Variants in ATP2A3 observed in about 807,000 individuals in gnomAD.
The protein encoded by ATP2A3 is ATPase sarcoplasmic/endoplasmic reticulum Ca2+ transporting 3, also known as sarcoplasmic/endoplasmic reticulum calcium ATPase 3.
Under a neutral mutation model 106.8 loss-of-function variants are expected in ATP2A3, and 61 were observed. The observed-to-expected ratio is 0.57, with a 90% CI of 0.46 to 0.71. The LOEUF (loss-of-function observed/expected upper bound fraction) is 0.71. Among genes scored for constraint, ATP2A3 ranks in the 30% least tolerant of loss-of-function variants. The pLI, the probability that ATP2A3 is intolerant of heterozygous loss-of-function variation, is 0.00. For synonymous variants in ATP2A3, 611 were observed against 609.3 expected, an observed-to-expected ratio of 1.00 and a Z score of -0.04; for missense variants, 1,201 against 1,423.5, an observed-to-expected ratio of 0.84 and a Z score of 2.52.
intron 20 of ATP2A3, chr17:3,927,916 C>T: frequency 1.9e-6 from 3 of 1,606,692 alleles, no homozygotes; most frequent in Non-Finnish European, 1.7e-6. Flanking sequence ...CAACCTAGGC[C>T]CCTGCACAGC....
intron 3 of ATP2A3, 37 bp from the exon 4 acceptor site, chr17:3,951,722 C>A (rs749975197): frequency 2.6e-6 from 4 of 1,565,744 alleles, no homozygotes; most frequent in Non-Finnish European, 2.6e-6. Flanking sequence ...GGCCCTGCTG[C>A]GGGCCGAGAT....
Position 3,951,286 on chromosome 17 carries a change from C to G in ATP2A3, c.428G>C (p.Arg143Pro), listed in dbSNP as rs375801218. ...DRKGVQRIRA[R>P]DIVPGDIVEV... ...TACAATGTCCCCTGGGACGATGTCC[C>G]GGGCACGGATCCTCTGCACGCCCTT... Residue 143 changes from arginine (R) to proline (P), a missense_variant, in exon 5 of 21, where the codon CGG (arginine) becomes CCG (proline). Arg to Pro is a moderately radical substitution (Grantham distance 103). Transcript: ENST00000397041. 22 of 1,613,704 alleles carry G rather than the reference C, an allele frequency of 1.4e-5. No individual in the cohort carries two copies. Among genetic ancestry groups the G allele is most frequent in the Non-Finnish European group, 1.8e-5 (21 of 1,180,008 alleles).
intron 1 of ATP2A3, 97 bp downstream of exon 1, chr17:3,964,077 C>CGGG: frequency 1.5e-6 from 1 of 673,934 alleles, no homozygotes; most frequent in East Asian, 8.3e-5. Context: ...CCCTCGCTTC[C>CGGG]TGCCCGCCCA....
rs759473302 is a variant in ATP2A3 at position 3,928,190 on chromosome 17, A to G, written c.2980+473T>C. On this transcript the variant is annotated intron_variant, in intron 20 of 20. Coordinates refer to ENST00000397041, the MANE Select transcript of ATP2A3 (RefSeq NM_005173.4). This position sits in a 1 kb window ranked among gnomAD's most constrained non-coding sequence, Gnocchi z 6.1. ...GGCAGACCCAGAGCTGTGAGCTCAG[A>G]AACAACCCTCCCCTTGACCCACCCA... 5 of 1,609,976 alleles carry G rather than the reference A, an allele frequency of 3.1e-6. No homozygotes were observed. The highest frequency in any genetic ancestry group is 4.2e-6 in the Non-Finnish European group (5 of 1,176,624).
Position 3,928,632 on chromosome 17 carries a change from G to T in ATP2A3, c.2980+31C>A. The T allele has an allele frequency of 6.6e-7, 1 of 1,525,460 alleles. No homozygotes were observed. Among genetic ancestry groups the T allele is most frequent in the Non-Finnish European group, 8.9e-7 (1 of 1,124,562 alleles). The allele number at this position is 1,525,460 out of a possible 1,614,324, so 94.5% of individuals were successfully genotyped here. A position where few individuals can be genotyped will look rare whatever the true frequency, so the allele number is the denominator to read the frequency against. On this transcript the variant is annotated intron_variant, in intron 20 of 20. Coordinates refer to ENST00000397041, the MANE Select transcript of ATP2A3 (RefSeq NM_005173.4). The surrounding 1 kb of genome is among the most constrained non-coding windows in gnomAD (Gnocchi z 6.1). Reference sequence around the variant, plus strand: ...AGGAGCAGAGGCGGGCGGGGAGGCAGGCTGGAGGCGGGACGGGGCCTCCCA... The same window carrying T: ...AGGAGCAGAGGCGGGCGGGGAGGCATGCTGGAGGCGGGACGGGGCCTCCCA...
Position 3,953,753 on chromosome 17 carries a change from G to T in ATP2A3, c.119-43C>A. The T allele has an allele frequency of 6.4e-7, 1 of 1,564,520 alleles. No individual in the cohort carries two copies. Among genetic ancestry groups the T allele is most frequent in the Non-Finnish European group, 8.7e-7 (1 of 1,154,048 alleles). On this transcript the variant is annotated intron_variant, in intron 1 of 20. Coordinates refer to ENST00000397041, the MANE Select transcript of ATP2A3 (RefSeq NM_005173.4). This position sits in a 1 kb window ranked among gnomAD's most constrained non-coding sequence, Gnocchi z 5.1. ...CCACGGGAGCCATGAGGAGACAAGA[G>T]AGGAGTGGGTCACGCAGGGGCCTCG...
chr17:3,950,895 T>A, intron 5 of ATP2A3, 122 bp from the exon 6 acceptor site: 2 of 970,656 alleles, frequency 2.1e-6, no homozygotes, highest in Non-Finnish European at 3.2e-6. Flanking sequence ...GTGATCGCTC[T>A]GGTGACCCCT....
At chr17:3,951,553 G>GTGCCCCCC in intron 4 of ATP2A3, 28 bp downstream of exon 4, 1 of 647,376 alleles carries the variant, frequency 1.5e-6, no homozygotes, top group Non-Finnish European at 2.1e-6. Flanking sequence ...ACCGCCCCCC[G>GTGCCCCCC]CCCGGTCCCA....
rs2054729319 is a variant in ATP2A3 at position 3,955,631 on chromosome 17, T to C, written c.119-1921A>G. ...TGTGCTTTCGAGGTCACCCCAGCCA[T>C]GCCCCAGCCTCGAATCAGGACAGCA... On this transcript the variant is annotated intron_variant, in intron 1 of 20. Transcript: ENST00000397041. The surrounding 1 kb of genome is among the most constrained non-coding windows in gnomAD (Gnocchi z 4.2). Among the ~76,000 whole-genome samples the C allele has an allele frequency of 6.6e-6, 1 of 152,198 alleles. No individual in the cohort carries two copies. Among genetic ancestry groups the C allele is most frequent in the African/African-American group, 2.4e-5 (1 of 41,446 alleles).
chr17:3,946,747 G>A (rs980656342), intron 8 of ATP2A3, among the ~76,000 whole-genome samples: 2 of 152,170 alleles, frequency 1.3e-5, no homozygotes, highest in Non-Finnish European at 2.9e-5. Flanking sequence ...GTGGAAGCAG[G>A]GGTGACAGAG....
chr17:3,927,524 A>C (rs1349491909), intron 20 of ATP2A3: 2 of 985,278 alleles, frequency 2.0e-6, no homozygotes, highest in African/African-American at 3.5e-5. Flanking sequence ...TTCCTGGCGG[A>C]CCGGCCCGGT....
chr17:3,945,040 TCCCCTGG>T lies in ATP2A3; in HGVS notation c.1184+13_1184+19del. On this transcript the variant is annotated intron_variant, in intron 9 of 20. Transcript: ENST00000397041. ...CGCCCCCAGGCCGCCCGCCCGCGCG[TCCCCTGG>T]CCCCGCACTCACACTTCGCCCTCGG... 6.7e-7 allele frequency: 1 copy of T among 1,503,022 alleles called. No homozygotes were observed. The highest frequency in any genetic ancestry group is 1.5e-5 in the African/African-American group (1 of 68,740). The allele number at this position is 1,503,022 out of a possible 1,614,324, so 93.1% of individuals were successfully genotyped here. A position where few individuals can be genotyped will look rare whatever the true frequency, so the allele number is the denominator to read the frequency against.
chr17:3,940,958 G>T lies in ATP2A3; in HGVS notation c.2100+13C>A, dbSNP rs780427574. 1 of 1,613,668 alleles carries T rather than the reference G, an allele frequency of 6.2e-7. No homozygotes were observed. Among genetic ancestry groups the T allele is most frequent in the African/African-American group, 1.3e-5 (1 of 74,920 alleles). On this transcript the variant is annotated intron_variant, in intron 14 of 20. Coordinates refer to ENST00000397041, the MANE Select transcript of ATP2A3 (RefSeq NM_005173.4). ...TCATCACCCCCTCCTGGGGCTCCAG[G>T]CTGTGGCCTCACCATAGCAGTGATC...
Position 3,929,269 on chromosome 17 carries a change from C to T in ATP2A3, c.2862+59G>A. The T allele has an allele frequency of 6.9e-7, 1 of 1,449,232 alleles. No individual in the cohort carries two copies. Among genetic ancestry groups the T allele is most frequent in the African/African-American group, 1.4e-5 (1 of 70,946 alleles). 89.8% of individuals were successfully genotyped at this position (1,449,232 alleles called of 1,614,324 possible). A position where few individuals can be genotyped will look rare whatever the true frequency, so the allele number is the denominator to read the frequency against. ...CAGGGGGGCCAGAGAGGTCCAGTGA[C>T]CAGCCCAGGGCCTGTGATGTCCAGG... On this transcript the variant is annotated intron_variant, in intron 19 of 20. Transcript: ENST00000397041. The surrounding 1 kb of genome is among the most constrained non-coding windows in gnomAD (Gnocchi z 4.3).
intron 8 of ATP2A3, among the ~76,000 whole-genome samples, chr17:3,946,374 A>G (rs2054119286): frequency 6.6e-6 from 1 of 152,106 alleles, no homozygotes; most frequent in South Asian, 2.1e-4. Context: ...CAACATGGTG[A>G]AACCCCGTCT....
intron 1 of ATP2A3, among the ~76,000 whole-genome samples, chr17:3,959,564 T>TCC (rs1291554675): frequency 1.3e-5 from 2 of 152,192 alleles, no homozygotes; most frequent in African/African-American, 4.8e-5. Flanking sequence ...CCCCCTCTAC[T>TCC]CCTTCCTTCA....
Position 3,943,486 on chromosome 17 carries a change from C to G in ATP2A3, c.1324G>C (p.Glu442Gln). 6.2e-7 allele frequency: 1 copy of G among 1,614,132 alleles called. No homozygotes were observed. The highest frequency in any genetic ancestry group is 8.5e-7 in the Non-Finnish European group (1 of 1,179,998). The part of the protein sequence containing the change: ...GVYEKVGEAT[E>Q]TALTCLVEKM... Reference sequence around the variant, plus strand: ...TCCACCAGGCAAGTCAGAGCTGTCTCCGTGGCCTCTCCCACCTTCTCATAC... The same window carrying G: ...TCCACCAGGCAAGTCAGAGCTGTCTGCGTGGCCTCTCCCACCTTCTCATAC... The change falls in exon 11 of 21, where the codon GAG becomes CAG. Residue 442 changes from glutamate (E) to glutamine (Q), a missense_variant. Coordinates refer to ENST00000397041, the MANE Select transcript of ATP2A3 (RefSeq NM_005173.4).
At chr17:3,927,875 C>T in intron 20 of ATP2A3, 1 of 1,573,994 alleles carries the variant, frequency 6.4e-7, no homozygotes, top group Middle Eastern at 1.8e-4. Flanking sequence ...GACCCAGCTG[C>T]CCCAGTGCAG....
At chr17:3,927,831 CT>C in intron 20 of ATP2A3, 1 of 1,535,336 alleles carries the variant, frequency 6.5e-7, no homozygotes, top group South Asian at 1.2e-5. Context: ...ACCCACTCCC[CT>C]GGGGCACATT....
Sources: allele counts gnomAD v4.1 joint callset (sites outside exome capture counted in the v4.1 genomes callset), GRCh38; gene constraint gnomAD v4.1.1; non-coding constraint Gnocchi (gnomAD v3.1); transcripts MANE v1.5; gene names NCBI Gene and HGNC (gene_info 2026-07-23, HGNC 2026-07-21).